PBX1: variants seen among roughly 807,000 people sequenced by gnomAD.
PBX1 encodes PBX homeobox 1, also known as pre-B-cell leukemia transcription factor 1.
PBX1 carries 6 observed loss-of-function variants against 53.4 expected under a neutral mutation model. That is an observed-to-expected ratio of 0.11 (90% confidence interval 0.06 to 0.22). The LOEUF is 0.22. Ranked by LOEUF, PBX1 falls within the 10% of genes least tolerant of loss-of-function variation. PBX1 has a pLI of 1.00. For synonymous variants in PBX1, 204 were observed against 212.3 expected (o/e 0.96, Z 0.34); for missense variants, 251 against 551.4 (o/e 0.46, Z 5.46).
chr1:164,623,296 G>A (rs1250036298), intron 2 of PBX1, among the ~76,000 whole-genome samples: 1 of 152,198 alleles, frequency 6.6e-6, no homozygotes, highest in Non-Finnish European at 1.5e-5. Flanking sequence ...ATCGAAGAAC[G>A]TCACCCCCAG....
At chr1:164,699,215 A>AT (rs981889513) in intron 2 of PBX1, among the ~76,000 whole-genome samples, 1 of 152,198 alleles carries the variant, frequency 6.6e-6, no homozygotes, top group Non-Finnish European at 1.5e-5. Flanking sequence ...CTACCTAGAT[A>AT]TTTTTTAAAA....
At chr1:164,668,394 T>C (rs924698209) in intron 2 of PBX1, among the ~76,000 whole-genome samples, 7 of 152,130 alleles carry the variant, frequency 4.6e-5, no homozygotes, top group Admixed American at 1.3e-4. Context: ...TGGACAAATG[T>C]ATACAAATTC....
intron 2 of PBX1, among the ~76,000 whole-genome samples, chr1:164,722,659 G>C (rs908181592): frequency 3.3e-5 from 5 of 152,026 alleles, no homozygotes; most frequent in Non-Finnish European, 4.4e-5. Context: ...TCAAGATTCT[G>C]TTCCTCATTC....
intron 2 of PBX1, among the ~76,000 whole-genome samples, chr1:164,659,476 A>C (rs1014494837): frequency 2.0e-5 from 3 of 152,238 alleles, no homozygotes; most frequent in Non-Finnish European, 4.4e-5. Flanking sequence ...CATAGCACCA[A>C]ACATGTGCTG....
At chr1:164,686,944 G>A (rs757387000) in intron 2 of PBX1, among the ~76,000 whole-genome samples, 34 of 151,038 alleles carry the variant, frequency 2.3e-4, no homozygotes, top group Admixed American at 1.1e-3. Context: ...GCGACAGAGC[G>A]AGACTGCATC....
intron 2 of PBX1, among the ~76,000 whole-genome samples, chr1:164,715,225 G>A (rs949603084): frequency 2.0e-5 from 3 of 152,162 alleles, no homozygotes; most frequent in Non-Finnish European, 4.4e-5. Context: ...TCTAAGTTGT[G>A]TGCACATTCT....
At chr1:164,593,648 A>AAAGT (rs113055183) in intron 2 of PBX1, among the ~76,000 whole-genome samples, 148,918 of 152,136 alleles carry the variant, frequency 0.98, 72,960 homozygotes, top group Middle Eastern at 1. Context: ...GAAAAATAAT[A>AAAGT]AATAGCCAGA....
chr1:164,564,980 A>G (rs1008198178), intron 2 of PBX1, among the ~76,000 whole-genome samples: 3 of 152,090 alleles, frequency 2.0e-5, no homozygotes, highest in African/African-American at 7.2e-5. Flanking sequence ...ATAAAAGCAT[A>G]TGTGATAATA....
At position 164,722,342 on chromosome 1, in the gene PBX1, A is replaced by G. The variant is rs1003995430; in HGVS notation, c.266-70152A>G. ...GGTCTACTGTACCTGCTGATTACTT[A>G]GTGGAGAGTGCTGGACATCTCCCTT... On this transcript the variant is annotated intron_variant, in intron 2 of 8. Coordinates refer to ENST00000420696, the MANE Select transcript of PBX1 (RefSeq NM_002585.4). Among the ~76,000 whole-genome samples, 7 of 152,184 alleles carry G rather than the reference A, an allele frequency of 4.6e-5. No individual in the cohort carries two copies. The South Asian group carries it at 1.4e-3, about 31-fold the overall frequency.
intron 5 of PBX1, among the ~76,000 whole-genome samples, chr1:164,811,710 A>G (rs1354470790): frequency 6.6e-6 from 1 of 152,234 alleles, no homozygotes. Flanking sequence ...CTTGCTCTAA[A>G]TTAAAAGGGT....
intron 2 of PBX1, among the ~76,000 whole-genome samples, chr1:164,879,900 A>G (rs987340163): frequency 2.0e-4 from 31 of 152,134 alleles, no homozygotes; most frequent in Non-Finnish European, 5.9e-5. Context: ...ACAAAAGCCT[A>G]CGCTGGGGGT....
chr1:164,632,055 G>A (rs534228692), intron 2 of PBX1, among the ~76,000 whole-genome samples: 1 of 152,292 alleles, frequency 6.6e-6, no homozygotes, highest in South Asian at 2.1e-4. Flanking sequence ...CTGACCCTTA[G>A]CATCATTTTA....
chr1:164,752,576 G>A (rs1373555050), intron 2 of PBX1, among the ~76,000 whole-genome samples: 1 of 152,162 alleles, frequency 6.6e-6, no homozygotes, highest in Non-Finnish European at 1.5e-5. Flanking sequence ...GGTAGGTCCT[G>A]TTGCCCCACA....
intron 2 of PBX1, among the ~76,000 whole-genome samples, chr1:164,600,685 G>A (rs1252874695): frequency 2.0e-5 from 3 of 152,188 alleles, no homozygotes; most frequent in Non-Finnish European, 4.4e-5. Flanking sequence ...TTAAAGCACC[G>A]GGCTAGTAAA....
At chr1:164,809,727 T>TC (rs1366614837) in intron 5 of PBX1, among the ~76,000 whole-genome samples, 1 of 152,098 alleles carries the variant, frequency 6.6e-6, no homozygotes, top group Non-Finnish European at 1.5e-5. Context: ...GCTATTGATT[T>TC]CCCCCATGAC....
At position 164,603,961 on chromosome 1, in the gene PBX1, T is replaced by TTTTA. The variant is rs1553214847; in HGVS notation, c.265+40651_265+40652insTTAT. Among the ~76,000 whole-genome samples, 51 of 132,026 alleles carry TTTTA rather than the reference T, an allele frequency of 3.9e-4. 1 individual carries two copies. The highest frequency in any genetic ancestry group is 1.4e-3 in the African/African-American group (50 of 35,128). 86.6% of individuals were successfully genotyped at this position (132,026 alleles called of 152,430 possible). ...TTTTTTTTTTTTTTTTTTTTTTTTT[T>TTTTA]TAGAGATGAGTCTCTGTCACCCAGG... On this transcript the variant is annotated intron_variant, in intron 2 of 8. Transcript: ENST00000420696.
At chr1:164,713,599 C>T (rs965273240) in intron 2 of PBX1, among the ~76,000 whole-genome samples, 3 of 152,024 alleles carry the variant, frequency 2.0e-5, no homozygotes, top group South Asian at 2.1e-4. Context: ...CTGCCTGATT[C>T]GTGGGTCACT....
chr1:164,595,016 G>C (rs1294486493), intron 2 of PBX1, among the ~76,000 whole-genome samples: 2 of 152,180 alleles, frequency 1.3e-5, no homozygotes, highest in African/African-American at 4.8e-5. Flanking sequence ...AAAGAACCCG[G>C]TTTCTGTTCA....
At chr1:164,750,361 G>C (rs1320210633) in intron 2 of PBX1, among the ~76,000 whole-genome samples, 1 of 152,036 alleles carries the variant, frequency 6.6e-6, no homozygotes, top group Non-Finnish European at 1.5e-5. Context: ...TTCTGATACG[G>C]CTACTGTCAA....
Sources: gnomAD v4.1 joint callset for allele counts (sites outside exome capture counted in the v4.1 genomes callset) on GRCh38, gnomAD v4.1.1 for gene constraint, MANE v1.5 for transcripts, NCBI Gene and HGNC (gene_info 2026-07-23, HGNC 2026-07-21) for gene names.